The following KAZN variants were observed in gnomAD, a reference collection of about 807,000 sequenced individuals.
KAZN encodes kazrin, periplakin interacting protein, also known as kazrin.
Under a neutral mutation model 87.4 loss-of-function variants are expected in KAZN, and 40 were observed. The observed-to-expected ratio is 0.46, with a 90% confidence interval of 0.36 to 0.60. The LOEUF (loss-of-function observed/expected upper bound fraction) is 0.60, where lower values mean the gene tolerates loss of function less well. Ranked by LOEUF, KAZN falls within the 20% of genes least tolerant of loss-of-function variation. The pLI is 0.00. For synonymous variants in KAZN, 466 were observed against 458.3 expected (o/e 1.02, Z -0.22); for missense variants, 898 against 1,073.9 (o/e 0.84, Z 2.29).
chr1:14,148,329 A>C (rs1315450927), intron 1 of KAZN, among the ~76,000 whole-genome samples: 1 of 151,804 alleles, frequency 6.6e-6, no homozygotes, highest in Non-Finnish European at 1.5e-5. Flanking sequence ...CTTTTGGCAT[A>C]TTTTCTCTGT....
chr1:15,049,069 C>T (rs566799020), intron 4 of KAZN, among the ~76,000 whole-genome samples: 4 of 151,624 alleles, frequency 2.6e-5, no homozygotes, highest in African/African-American at 9.7e-5. Context: ...GGAGATCAGG[C>T]GATCCTGTAC....
At chr1:14,225,477 T>C (rs1647230718) in intron 2 of KAZN, among the ~76,000 whole-genome samples, 1 of 152,170 alleles carries the variant, frequency 6.6e-6, no homozygotes. Context: ...ACAGATTCAA[T>C]GCTATCCTTT....
At chr1:14,907,128 G>C (rs1656678514) in intron 1 of KAZN, among the ~76,000 whole-genome samples, 3 of 151,932 alleles carry the variant, frequency 2.0e-5, no homozygotes, top group African/African-American at 4.8e-5. Context: ...AGATGCAGTG[G>C]CTCATACCTG....
chr1:14,757,858 G>A (rs188383529), intron 1 of KAZN, among the ~76,000 whole-genome samples: 130 of 152,158 alleles, frequency 8.5e-4, no homozygotes, highest in Non-Finnish European at 1.2e-3. Flanking sequence ...AGAACCTGTC[G>A]CCACTATTTG....
chr1:14,911,352 C>A (rs1657224536), intron 1 of KAZN, among the ~76,000 whole-genome samples: 1 of 152,202 alleles, frequency 6.6e-6, no homozygotes, highest in Non-Finnish European at 1.5e-5. Flanking sequence ...CTCTCTATGT[C>A]CCTGGGACTT....
intron 8 of KAZN, among the ~76,000 whole-genome samples, chr1:15,089,342 G>A (rs536363918): frequency 3.9e-4 from 59 of 151,592 alleles, no homozygotes; most frequent in African/African-American, 1.4e-3. Context: ...ACCTCACTGA[G>A]AGCCCCACCC....
intron 2 of KAZN, among the ~76,000 whole-genome samples, chr1:14,275,561 C>T (rs953956549): frequency 1.1e-4 from 17 of 149,928 alleles, no homozygotes; most frequent in Non-Finnish European, 2.2e-4. Context: ...TGTATTCTTT[C>T]GTTACTTGAT....
At chr1:14,803,487 G>A (rs1646105330) in intron 1 of KAZN, among the ~76,000 whole-genome samples, 1 of 152,202 alleles carries the variant, frequency 6.6e-6, no homozygotes, top group Non-Finnish European at 1.5e-5. Flanking sequence ...CTGATGGCAG[G>A]AATGTCTAGC....
chr1:14,507,712 C>T (rs1420045851), intron 2 of KAZN, among the ~76,000 whole-genome samples: 1 of 152,176 alleles, frequency 6.6e-6, no homozygotes, highest in Non-Finnish European at 1.5e-5. Flanking sequence ...GAATCAAACA[C>T]TGATGGAATT....
chr1:14,564,658 A>AT (rs1193554208), intron 2 of KAZN, among the ~76,000 whole-genome samples: 1 of 150,660 alleles, frequency 6.6e-6, no homozygotes, highest in Non-Finnish European at 1.5e-5. Context: ...ACAAAAAAAA[A>AT]AAAAATTAGC....
At chr1:15,013,450 A>C (rs1669778322) in intron 2 of KAZN, among the ~76,000 whole-genome samples, 1 of 152,136 alleles carries the variant, frequency 6.6e-6, no homozygotes. Flanking sequence ...GCAATGTGAC[A>C]GTTTTAGAGA....
intron 1 of KAZN, among the ~76,000 whole-genome samples, chr1:13,983,214 G>A (rs2101085326): frequency 6.6e-6 from 1 of 152,368 alleles, no homozygotes; most frequent in South Asian, 2.1e-4. Context: ...TGGAGCAAGG[G>A]GTGGCGCTCG....
rs75204462 is a variant in KAZN, at chr1:14,833,576, C to A, written c.227-127108C>A. On this transcript the variant is annotated intron_variant, in intron 1 of 14. Transcript: ENST00000376030. ...AAGTAGGGTATCCGTCCTCTACCCC[C>A]CCCAGGCCCTCATCATAAGCATATG... Among the ~76,000 whole-genome samples the A allele has an allele frequency of 2.1e-3, 315 of 152,318 alleles. 14 individuals carry two copies. Among genetic ancestry groups the A allele is most frequent in the Non-Finnish European group, 6.0e-4 (41 of 68,038 alleles).
At chr1:14,015,595 C>T (rs1640532580) in intron 1 of KAZN, among the ~76,000 whole-genome samples, 1 of 146,776 alleles carries the variant, frequency 6.8e-6, no homozygotes, top group Non-Finnish European at 1.5e-5. Context: ...ATTCTCCTGC[C>T]TCAGCCTCCC....
chr1:14,432,894 G>A lies in KAZN; in HGVS notation c.250-166089G>A, dbSNP rs867666082. 4.6e-5 allele frequency among the ~76,000 whole-genome samples: 7 copies of A among 152,132 alleles called. No individual in the cohort carries two copies. In the South Asian group the frequency reaches 6.2e-4, roughly 14 times the overall value. ...CAGCTTCATTGATGTCCCTGCAAAG[G>A]ACATGATCTTATTCTTTTTTATGGC... On this transcript the variant is annotated intron_variant, in intron 2 of 16. Transcript: ENST00000636203.
chr1:14,691,822 A>G (rs1388863471), intron 1 of KAZN, among the ~76,000 whole-genome samples: 5 of 151,770 alleles, frequency 3.3e-5, no homozygotes, highest in Non-Finnish European at 7.4e-5. Context: ...ATTGTTTCCT[A>G]TCTTTAGGGA....
intron 1 of KAZN, among the ~76,000 whole-genome samples, chr1:14,144,025 T>C (rs1024185978): frequency 6.6e-6 from 1 of 152,034 alleles, no homozygotes; most frequent in African/African-American, 2.4e-5. Flanking sequence ...GCCAACTAGT[T>C]TTCTATTAAT....
chr1:14,898,137 T>C (rs1292158463), intron 1 of KAZN, among the ~76,000 whole-genome samples: 3 of 152,164 alleles, frequency 2.0e-5, no homozygotes, highest in Non-Finnish European at 4.4e-5. Flanking sequence ...GAGAATCCAT[T>C]ATCCAGATGA....
chr1:14,766,568 G>T lies in KAZN; in HGVS notation c.226+167345G>T, dbSNP rs920388783. On this transcript the variant is annotated intron_variant, in intron 1 of 14. Transcript: ENST00000376030. ...ATTGCCTGGTGCTCTGGATCACAGA[G>T]AGGGGCCTTGGGGAGGTGGCTTGGT... Among the ~76,000 whole-genome samples, 14 of 149,570 alleles carry T rather than the reference G, an allele frequency of 9.4e-5. 1 individual carries two copies. Among genetic ancestry groups the T allele is most frequent in the African/African-American group, 2.7e-4 (11 of 40,338 alleles).
Sources: allele counts gnomAD v4.1 joint callset (sites outside exome capture counted in the v4.1 genomes callset), GRCh38; gene constraint gnomAD v4.1.1; transcripts MANE v1.5; gene names NCBI Gene and HGNC (gene_info 2026-07-23, HGNC 2026-07-21).